YWHAE: variants seen among roughly 807,000 people sequenced by gnomAD.
YWHAE encodes tyrosine 3-monooxygenase/tryptophan 5-monooxygenase activation protein epsilon.
In YWHAE, 4 loss-of-function variants were observed where a neutral mutation model predicts 30.1. The observed-to-expected ratio is 0.13, with a 90% CI of 0.07 to 0.30. The LOEUF (loss-of-function observed/expected upper bound fraction) is 0.30. Among genes scored for constraint, YWHAE ranks in the 10% least tolerant of loss-of-function variants. YWHAE has a pLI of 1.00. For missense variants in YWHAE, 121 were observed against 315.9 expected, an observed-to-expected ratio of 0.38 and a Z score of 4.68; for synonymous variants, 118 against 111.8, an observed-to-expected ratio of 1.06 and a Z score of -0.35.
At chr17:1,370,338 A>T (rs62087941) in intron 1 of YWHAE, among the ~76,000 whole-genome samples, 4 of 150,854 alleles carry the variant, frequency 2.7e-5, no homozygotes, top group Non-Finnish European at 5.9e-5. Flanking sequence ...TCACCATGTT[A>T]GCCAGGACGG....
rs764536891 is a variant in YWHAE, at chr17:1,400,039, C to T, written c.64+8G>A. On this transcript the variant is annotated splice_region_variant and intron_variant, in intron 1 of 5. Coordinates refer to ENST00000264335, the MANE Select transcript of YWHAE (RefSeq NM_006761.5). ...GAATTCCAGCCCCCCGTTGCCCCCC[C>T]AACTCACCGTCGTATCGCTCAGCCT... is the stretch of plus-strand genomic sequence containing the variant. 1 of 1,613,824 alleles carries T rather than the reference C, an allele frequency of 6.2e-7. No individual in the cohort carries two copies. Among genetic ancestry groups the T allele is most frequent in the African/African-American group, 1.3e-5 (1 of 75,046 alleles).
At chr17:1,374,701 T>C (rs749754525) in intron 1 of YWHAE, among the ~76,000 whole-genome samples, 6 of 152,244 alleles carry the variant, frequency 3.9e-5, no homozygotes, top group Non-Finnish European at 8.8e-5. Context: ...CACCTTTTCA[T>C]GTGCTTATGA....
intron 1 of YWHAE, among the ~76,000 whole-genome samples, chr17:1,381,653 G>A (rs948396838): frequency 6.6e-6 from 1 of 151,574 alleles, no homozygotes; most frequent in Non-Finnish European, 1.5e-5. Context: ...CAAAGGCTCA[G>A]GCCTGTAATC....
chr17:1,396,375 G>A (rs773293834), intron 1 of YWHAE, among the ~76,000 whole-genome samples: 73 of 151,766 alleles, frequency 4.8e-4, no homozygotes, highest in Admixed American at 2.6e-4. Context: ...AGTGGGCCGA[G>A]ATTGTGCCAC....
chr17:1,365,040 T>C lies in YWHAE; in HGVS notation c.83A>G (p.Lys28Arg). 1 of 1,614,078 alleles carries C rather than the reference T, an allele frequency of 6.2e-7. No individual in the cohort carries two copies. The highest frequency in any genetic ancestry group is 8.5e-7 in the Non-Finnish European group (1 of 1,180,010). ...ERYDEMVESM[K>R]KVAGMDVELT... ...CTCCACATCCATCCCTGCTACTTTC[T>C]TCATTGACTCCACCATTTCTGTATG... The change falls in exon 2 of 6, where the codon AAG becomes AGG. Residue 28 changes from lysine (K) to arginine (R), a missense_variant. Around this residue, in one of 2 missense-constraint regions of YWHAE, gnomAD observed 99 missense variants for 289.3 expected, o/e 0.34. Coordinates refer to ENST00000264335, the MANE Select transcript of YWHAE (RefSeq NM_006761.5).
At chr17:1,351,654 T>C (rs755768871) in intron 5 of YWHAE, among the ~76,000 whole-genome samples, 4 of 152,158 alleles carry the variant, frequency 2.6e-5, no homozygotes, top group Non-Finnish European at 4.4e-5. Context: ...CCTGAAGAGA[T>C]GGCATCTCGT....
chr17:1,378,458 GTCAC>G (rs1399933098), intron 1 of YWHAE, among the ~76,000 whole-genome samples: 1 of 152,188 alleles, frequency 6.6e-6, no homozygotes, highest in African/African-American at 2.4e-5. Context: ...TATCTTGCTA[GTCAC>G]ATGACAACTC....
intron 1 of YWHAE, among the ~76,000 whole-genome samples, chr17:1,366,086 C>T (rs1471668615): frequency 6.6e-6 from 1 of 151,708 alleles, no homozygotes; most frequent in Non-Finnish European, 1.5e-5. Context: ...CGTGGTGATG[C>T]ACGCCTGTAG....
Position 1,345,511 on chromosome 17 carries a change from GAAA to G in YWHAE, c.716-15_716-13del. On this transcript the variant is annotated splice_polypyrimidine_tract_variant and intron_variant, in intron 5 of 5. Transcript: ENST00000264335. ...ATTCTGCTCTTCACCTGTTAAAAAAGAAAAAAAGTCAATTATTTCGTATTGACT... is the reference window on the plus strand; with the variant it reads ...ATTCTGCTCTTCACCTGTTAAAAAAGAAAAGTCAATTATTTCGTATTGACT... 1.4e-5 allele frequency: 23 copies of G among 1,612,436 alleles called. No individual in the cohort carries two copies. The highest frequency in any genetic ancestry group is 1.9e-5 in the Non-Finnish European group (23 of 1,179,534).
chr17:1,388,376 C>T (rs1269432052), intron 1 of YWHAE, among the ~76,000 whole-genome samples: 7 of 151,508 alleles, frequency 4.6e-5, no homozygotes, highest in Non-Finnish European at 7.4e-5. Flanking sequence ...ATGAGCCGGG[C>T]GTGGTGGCAG....
intron 5 of YWHAE, chr17:1,348,051 G>C (rs1471778324): frequency 1.1e-6 from 1 of 950,226 alleles, no homozygotes; most frequent in Admixed American, 6.0e-5. Flanking sequence ...TCATATGAAA[G>C]CAACATTACA....
At position 1,361,279 on chromosome 17, in the gene YWHAE, A is replaced by C. The variant is rs113879590; in HGVS notation, c.391T>G (p.Tyr131Asp). Residue 131 changes from tyrosine (Y) to aspartate (D), a missense_variant, in exon 4 of 6, where the codon TAT (tyrosine) becomes GAT (aspartate). Coordinates refer to ENST00000264335, the MANE Select transcript of YWHAE (RefSeq NM_006761.5). ...YYKMKGDYHR[Y>D]LAEFATGNDR... is the part of the protein sequence containing the mutation. ...TTTCCTGTGGCAAATTCTGCCAGAT[A>C]CCTGTGGTAGTCCCCTTTCCTAAAA... 6.2e-7 allele frequency: 1 copy of C among 1,612,304 alleles called. No individual in the cohort carries two copies. The highest frequency in any genetic ancestry group is 8.5e-7 in the Non-Finnish European group (1 of 1,179,294).
chr17:1,363,333 T>C (rs1161290854), intron 2 of YWHAE, among the ~76,000 whole-genome samples: 3 of 152,190 alleles, frequency 2.0e-5, no homozygotes, highest in Non-Finnish European at 4.4e-5. Context: ...TGGCTCGACG[T>C]TGGCTCATTG....
chr17:1,385,635 T>G (rs2073288821), intron 1 of YWHAE, among the ~76,000 whole-genome samples: 2 of 151,180 alleles, frequency 1.3e-5, no homozygotes, highest in Non-Finnish European at 2.9e-5. Flanking sequence ...TTTCAGAGGG[T>G]GGGGGAGGAG....
intron 1 of YWHAE, among the ~76,000 whole-genome samples, chr17:1,394,588 AAAGC>A (rs1242171227): frequency 6.6e-6 from 1 of 152,030 alleles, no homozygotes; most frequent in African/African-American, 2.4e-5. Flanking sequence ...CCTGGGTCAC[AAAGC>A]AAGACCCTGT....
Position 1,345,289 on chromosome 17 carries a change from T to TAAA in YWHAE, c.*155_*157dup, listed in dbSNP as rs566935846. On this transcript the variant is annotated 3_prime_UTR_variant, in exon 6 of 6. Coordinates refer to ENST00000264335, the MANE Select transcript of YWHAE (RefSeq NM_006761.5). Reference sequence around the variant, plus strand: ...CCTTTAAGAACTTTTGAAAACTGTTTAAAAAAAAAAAAAAAAAACCAACAG... The same window carrying TAAA: ...CCTTTAAGAACTTTTGAAAACTGTTTAAAAAAAAAAAAAAAAAAAAACCAACAG... The TAAA allele has an allele frequency of 0.029, 14,606 of 504,466 alleles. 35 individuals are homozygous for TAAA. Among genetic ancestry groups the TAAA allele is most frequent in the South Asian group, 0.041 (1,491 of 36,070 alleles). The allele number at this position is 504,466 out of a possible 1,614,324, so 31.2% of individuals were successfully genotyped here. A position where few individuals can be genotyped will look rare whatever the true frequency, so the allele number is the denominator to read the frequency against.
intron 5 of YWHAE, among the ~76,000 whole-genome samples, 176 bp from the exon 6 acceptor site, chr17:1,345,675 A>AT (rs1237955737): frequency 6.6e-6 from 1 of 152,156 alleles, no homozygotes; most frequent in Non-Finnish European, 1.5e-5. Context: ...CCAAGAAGGG[A>AT]TTATGGTCCT....
intron 1 of YWHAE, among the ~76,000 whole-genome samples, chr17:1,376,315 TGA>T (rs1368937841): frequency 1.3e-5 from 2 of 150,934 alleles, no homozygotes; most frequent in African/African-American, 2.4e-5. Context: ...TCTGCCACCA[TGA>T]GAGAAAGAAC....
In YWHAE at chr17:1,345,237, A is replaced by G; in HGVS notation, c.*210T>C. 1.7e-6 allele frequency: 1 copy of G among 581,198 alleles called. No homozygotes were observed. Among genetic ancestry groups the G allele is most frequent in the Non-Finnish European group, 3.0e-6 (1 of 330,952 alleles). The allele number at this position is 581,198 out of a possible 1,614,324, so 36.0% of individuals were successfully genotyped here. ...CTTAAAGAACCTAAAAGCTGGGACCAGTAAAATCCACAGAAATTCACTCTT... is the reference window on the plus strand; with the variant it reads ...CTTAAAGAACCTAAAAGCTGGGACCGGTAAAATCCACAGAAATTCACTCTT... On this transcript the variant is annotated 3_prime_UTR_variant, in exon 6 of 6. Transcript: ENST00000264335.
Sources: gnomAD v4.1 joint callset for allele counts (sites outside exome capture counted in the v4.1 genomes callset) on GRCh38, gnomAD v4.1.1 for gene constraint, gnomAD v4.1.1 regional missense constraint, MANE v1.5 for transcripts, NCBI Gene and HGNC (gene_info 2026-07-23, HGNC 2026-07-21) for gene names.